The following NIPBL variants were observed in gnomAD, a reference collection of about 807,000 sequenced individuals.
The protein encoded by NIPBL is nipped-B-like protein.
Under a neutral mutation model 321.8 loss-of-function variants are expected in NIPBL, and 19 were observed. The ratio of observed to expected loss-of-function variants is 0.06; its 90% CI spans 0.04 to 0.09. The LOEUF (loss-of-function observed/expected upper bound fraction) is 0.09. Among genes scored for constraint, NIPBL ranks in the 10% least tolerant of loss-of-function variants. The pLI, the probability that NIPBL is intolerant of heterozygous loss-of-function variation, is 1.00. For synonymous variants in NIPBL, 1,106 were observed against 1,114.1 expected (o/e 0.99, Z 0.14); for missense variants, 2,210 against 3,327.0 (o/e 0.66, Z 8.26).
chr5:37,051,527 G>A, intron 40 of NIPBL: 1 of 523,616 alleles, frequency 1.9e-6, no homozygotes, highest in Non-Finnish European at 3.4e-6. Flanking sequence ...TATGTTTAAA[G>A]AACCTAAAAT....
intron 9 of NIPBL, 136 bp from the exon 10 acceptor site, chr5:36,984,540 T>C: frequency 1.5e-6 from 1 of 683,198 alleles, no homozygotes; most frequent in Non-Finnish European, 2.4e-6. Flanking sequence ...TACTATTTTA[T>C]GTGTACATAT....
intron 9 of NIPBL, among the ~76,000 whole-genome samples, chr5:36,982,844 C>G: frequency 6.6e-6 from 1 of 151,876 alleles, no homozygotes; most frequent in East Asian, 1.9e-4. Flanking sequence ...CTTCAGATGC[C>G]TGAGACCTAT....
intron 1 of NIPBL, among the ~76,000 whole-genome samples, chr5:36,936,880 G>A (rs1738491893): frequency 6.6e-6 from 1 of 151,458 alleles, no homozygotes. Flanking sequence ...CACAGTGCCT[G>A]GCACATAGTA....
chr5:37,052,247 C>T (rs1421438237), intron 41 of NIPBL, 119 bp from the exon 42 acceptor site: 12 of 765,370 alleles, frequency 1.6e-5, no homozygotes, highest in African/African-American at 8.9e-5. Context: ...TTCTGTGATT[C>T]GTATTATTTT....
chr5:37,046,229 C>G, intron 38 of NIPBL, 30 bp downstream of exon 38: 1 of 1,213,682 alleles, frequency 8.2e-7, no homozygotes. Flanking sequence ...TAATTTGTAG[C>G]TATTTGAGAG....
At position 36,996,190 on chromosome 5, in the gene NIPBL, A is replaced by G. The variant is rs769972167; in HGVS notation, c.3304+386A>G. On this transcript the variant is annotated intron_variant, in intron 11 of 46. Transcript: ENST00000282516. This position sits in a 1 kb window ranked among gnomAD's most constrained non-coding sequence, Gnocchi z 5.0. ...TAAATAATTGCAGTATGCTGATAAA[A>G]GTACAATGATAACAGTAAATCCAGG... is the stretch of plus-strand genomic sequence containing the variant. Among the ~76,000 whole-genome samples the G allele has an allele frequency of 1.3e-5, 2 of 152,338 alleles. No individual in the cohort carries two copies. The highest frequency in any genetic ancestry group is 4.1e-4 in the South Asian group (2 of 4,826).
At chr5:37,033,450 T>G (rs531925149) in intron 32 of NIPBL, among the ~76,000 whole-genome samples, 2 of 151,690 alleles carry the variant, frequency 1.3e-5, no homozygotes, top group South Asian at 4.2e-4. Flanking sequence ...GAAAACAGGC[T>G]TACACATATA....
At chr5:37,034,316 A>T (rs1180667226) in intron 32 of NIPBL, among the ~76,000 whole-genome samples, 1 of 152,212 alleles carries the variant, frequency 6.6e-6, no homozygotes, top group Non-Finnish European at 1.5e-5. Flanking sequence ...GATTTCATAA[A>T]ATTATCTCAT....
intron 27 of NIPBL, among the ~76,000 whole-genome samples, chr5:37,021,679 C>T (rs1749660093): frequency 6.6e-6 from 1 of 151,890 alleles, no homozygotes; most frequent in Non-Finnish European, 1.5e-5. Flanking sequence ...AGACTCCATC[C>T]CAAAAAATAA....
Position 37,060,865 on chromosome 5 carries a change from A to T in NIPBL, c.7707A>T (p.Pro2569=), listed in dbSNP as rs918628744. The stretch of plus-strand genomic sequence containing the variant: ...ACAGTAAAATTCAGAAGTACTCTCC[A>T]TCTGAATCTGCAAAAGTATATGATA... The part of the protein sequence containing the change: ...FSDSKIQKYS[P]SESAKVYDKA... Residue 2569 remains proline, a synonymous_variant, in exon 45 of 47, where the codon CCA becomes CCT. Transcript: ENST00000282516. 1 of 1,613,672 alleles carries T rather than the reference A, an allele frequency of 6.2e-7. No homozygotes were observed. The highest frequency in any genetic ancestry group is 1.3e-5 in the African/African-American group (1 of 74,918).
chr5:37,058,812 C>A, intron 43 of NIPBL, 79 bp from the exon 44 acceptor site: 1 of 1,308,364 alleles, frequency 7.6e-7, no homozygotes, highest in Non-Finnish European at 1.1e-6. Flanking sequence ...GAAGCTTTTT[C>A]AAGCTGTTGA....
rs56122741 is a variant in NIPBL, at chr5:37,033,734, T to A, written c.5863-2645T>A. Among the ~76,000 whole-genome samples, 443 of 111,298 alleles carry A rather than the reference T, an allele frequency of 4.0e-3. 2 individuals carry two copies. The highest frequency in any genetic ancestry group is 0.018 in the African/African-American group (392 of 21,192). The allele number at this position is 111,298 out of a possible 152,430, so 73.0% of individuals were successfully genotyped here. A position where few individuals can be genotyped will look rare whatever the true frequency, so the allele number is the denominator to read the frequency against. Reference sequence around the variant, plus strand: ...TATATATATATATATATATATATTTTTTTTTTTTTTTTTTTTAATGGCTTG... The same window carrying A: ...TATATATATATATATATATATATTTATTTTTTTTTTTTTTTTAATGGCTTG... On this transcript the variant is annotated intron_variant, in intron 32 of 46. Transcript: ENST00000282516.
rs75175005 is a variant in NIPBL, at chr5:36,947,067, A to G, written c.-79-6551A>G. Among the ~76,000 whole-genome samples, 112 of 152,218 alleles carry G rather than the reference A, an allele frequency of 7.4e-4. 1 individual carries two copies. The highest frequency in any genetic ancestry group is 2.7e-3 in the African/African-American group (111 of 41,562). On this transcript the variant is annotated intron_variant, in intron 1 of 46. Transcript: ENST00000282516. ...CTGTGAAATAGTGATAATCTTTACA[A>G]TCCTTTGATATTGGAATGATTAAGG...
intron 9 of NIPBL, among the ~76,000 whole-genome samples, chr5:36,984,062 A>G (rs1339270808): frequency 6.8e-6 from 1 of 146,864 alleles, no homozygotes; most frequent in Admixed American, 6.8e-5. Context: ...AACTCCTTTC[A>G]CACTTTTAAC....
At chr5:36,955,236 A>G (rs1263126674) in intron 2 of NIPBL, among the ~76,000 whole-genome samples, 2 of 152,226 alleles carry the variant, frequency 1.3e-5, no homozygotes, top group Non-Finnish European at 2.9e-5. Context: ...AAAAGCAAGG[A>G]TGAATATAAG....
intron 1 of NIPBL, among the ~76,000 whole-genome samples, chr5:36,881,192 T>C (rs1418709340): frequency 3.9e-5 from 6 of 151,978 alleles, no homozygotes; most frequent in African/African-American, 7.2e-5. Context: ...TCCATGTCTC[T>C]TAAGGCCATC....
chr5:36,947,252 C>T (rs866349545), intron 1 of NIPBL, among the ~76,000 whole-genome samples: 15 of 152,120 alleles, frequency 9.9e-5, no homozygotes, highest in Middle Eastern at 3.4e-3. Context: ...CTACTTTTGT[C>T]AGATTGTGAA....
chr5:37,064,493 A>C (rs761875107), intron 46 of NIPBL, 34 bp from the exon 47 acceptor site: 2 of 1,607,186 alleles, frequency 1.2e-6, no homozygotes, highest in South Asian at 1.1e-5. Context: ...TTTGTGTAAC[A>C]CTTGGTCTTT....
At chr5:36,941,528 AC>A (rs1739062311) in intron 1 of NIPBL, among the ~76,000 whole-genome samples, 7 of 151,302 alleles carry the variant, frequency 4.6e-5, no homozygotes, top group Admixed American at 4.6e-4. Context: ...AAAAAAAAAA[AC>A]CACCAAAAAT....
Sources: allele counts gnomAD v4.1 joint callset (sites outside exome capture counted in the v4.1 genomes callset), GRCh38; gene constraint gnomAD v4.1.1; non-coding constraint Gnocchi (gnomAD v3.1); transcripts MANE v1.5; gene names NCBI Gene and HGNC (gene_info 2026-07-23, HGNC 2026-07-21).